Variants in ST7L observed in about 807,000 individuals in gnomAD.
The protein encoded by ST7L is suppression of tumorigenicity 7 like.
Under a neutral mutation model 72.5 loss-of-function variants are expected in ST7L, and 57 were observed. The observed-to-expected ratio is 0.79, with a 90% CI of 0.64 to 0.98. ST7L has a LOEUF of 0.98. Among genes scored for constraint, ST7L ranks in the 50% least tolerant of loss-of-function variants. The probability of loss-of-function intolerance (pLI) is 0.00; values close to 1 mark genes in which losing one functional copy is unlikely to be tolerated. For synonymous variants in ST7L, 221 were observed against 240.9 expected (o/e 0.92, Z 0.77); for missense variants, 576 against 672.2 (o/e 0.86, Z 1.58).
intron 14 of ST7L, among the ~76,000 whole-genome samples, chr1:112,538,783 G>C (rs1655617917): frequency 6.6e-6 from 1 of 152,170 alleles, no homozygotes; most frequent in Middle Eastern, 3.2e-3. Context: ...ATTGCACTTT[G>C]GTGATGATGA....
chr1:112,617,717 TCACA>T (rs56216561), intron 1 of ST7L, among the ~76,000 whole-genome samples: 3,370 of 126,380 alleles, frequency 0.027, 77 homozygotes, highest in East Asian at 0.1. Context: ...TTTCTCTCTC[TCACA>T]CACACACACA....
upstream of ST7L, chr1:112,619,612 C>T (rs951223521): frequency 2.0e-5 from 11 of 560,248 alleles, no homozygotes; most frequent in Non-Finnish European, 2.5e-5. Flanking sequence ...ATGAGTGTAA[C>T]TCATTGGGAA....
chr1:112,520,705 AG>A, downstream of ST7L: 1 of 617,452 alleles, frequency 1.6e-6, no homozygotes, highest in Non-Finnish European at 2.8e-6. Flanking sequence ...AGGGGATATA[AG>A]AAACTGAGCA....
chr1:112,550,239 A>G (rs1006905723), intron 13 of ST7L, among the ~76,000 whole-genome samples: 1 of 152,092 alleles, frequency 6.6e-6, no homozygotes, highest in Admixed American at 6.5e-5. Flanking sequence ...TTTTTATATC[A>G]TATCTTTGGT....
chr1:112,548,346 G>A (rs559238776), intron 13 of ST7L, among the ~76,000 whole-genome samples: 3 of 152,160 alleles, frequency 2.0e-5, no homozygotes, highest in East Asian at 1.9e-4. Flanking sequence ...CAACAAGGAC[G>A]GAAACTCCAT....
At chr1:112,607,377 A>G (rs1668406823) in intron 3 of ST7L, 1 of 152,350 alleles carries the variant, frequency 6.6e-6, no homozygotes. Context: ...AGGTGGATGA[A>G]TCATCTGAGG....
At chr1:112,608,992 A>G (rs1187205717) in intron 3 of ST7L, among the ~76,000 whole-genome samples, 2 of 152,168 alleles carry the variant, frequency 1.3e-5, no homozygotes, top group African/African-American at 4.8e-5. Context: ...TTATTACTAT[A>G]TGGTTATTAC....
In ST7L at chr1:112,568,706, C is replaced by A. The variant is rs929442459; in HGVS notation, c.1245+8280G>T. Among the ~76,000 whole-genome samples the A allele has an allele frequency of 3.9e-4, 30 of 77,100 alleles. No individual in the cohort carries two copies. In the South Asian group the frequency reaches 5.5e-3, roughly 14 times the overall value. The allele number at this position is 77,100 out of a possible 152,430, so 50.6% of individuals were successfully genotyped here. A position where few individuals can be genotyped will look rare whatever the true frequency, so the allele number is the denominator to read the frequency against. ...ACCTTTAATTTAAAAAACAAAAAAA[C>A]AACAACAAAAAAACAAATTTAGGCC... is the stretch of plus-strand genomic sequence containing the variant. On this transcript the variant is annotated intron_variant, in intron 11 of 14. Transcript: ENST00000358039.
Position 112,574,576 on chromosome 1 carries a change from A to G in ST7L, c.1245+2410T>C, listed in dbSNP as rs548387778. Among the ~76,000 whole-genome samples the G allele has an allele frequency of 3.4e-3, 507 of 151,206 alleles. 2 individuals are homozygous for G. Among genetic ancestry groups the G allele is most frequent in the Non-Finnish European group, 5.1e-3 (344 of 67,680 alleles). ...TGGGAGGCTGAGGCAGGAGAATGGC[A>G]TAAACCCGGGAGGCAGAGCTTGCAG... is the stretch of plus-strand genomic sequence containing the variant. On this transcript the variant is annotated intron_variant, in intron 11 of 14. Transcript: ENST00000358039.
At chr1:112,571,167 CA>C in intron 11 of ST7L, 3 of 384,142 alleles carry the variant, frequency 7.8e-6, no homozygotes, top group East Asian at 7.4e-5. Context: ...GAGACTGTCT[CA>C]AAAAAACCAA....
intron 5 of ST7L, among the ~76,000 whole-genome samples, chr1:112,597,478 A>C (rs1431137658): frequency 6.6e-6 from 1 of 152,226 alleles, no homozygotes; most frequent in Non-Finnish European, 1.5e-5. Context: ...AAACCATAAA[A>C]TTAAGAGTCT....
chr1:112,581,668 CA>C (rs1415064759), intron 9 of ST7L, among the ~76,000 whole-genome samples: 2 of 152,140 alleles, frequency 1.3e-5, no homozygotes, highest in East Asian at 3.9e-4. Flanking sequence ...GTCTCCAAAA[CA>C]AAATGCTGGG....
At chr1:112,571,817 G>A (rs1463443396) in intron 11 of ST7L, among the ~76,000 whole-genome samples, 3 of 152,142 alleles carry the variant, frequency 2.0e-5, no homozygotes, top group African/African-American at 7.2e-5. Context: ...TTCACTTCCA[G>A]ACCACTGCAA....
chr1:112,599,079 T>A (rs957967057), intron 4 of ST7L, among the ~76,000 whole-genome samples: 13,226 of 33,176 alleles, frequency 0.4, 2,589 homozygotes, highest in Non-Finnish European at 0.43. Context: ...AAAAAATATA[T>A]ATATATATAT....
At chr1:112,573,733 T>G (rs948116038) in intron 11 of ST7L, among the ~76,000 whole-genome samples, 2 of 151,444 alleles carry the variant, frequency 1.3e-5, no homozygotes, top group Non-Finnish European at 2.9e-5. Context: ...TTTAACTCAT[T>G]TATAAATCCA....
intron 3 of ST7L, 158 bp downstream of exon 3, chr1:112,610,683 C>A: frequency 1.1e-6 from 1 of 890,874 alleles, no homozygotes. Context: ...GATCACCTCC[C>A]AAAGACCCTA....
intron 2 of ST7L, among the ~76,000 whole-genome samples, chr1:112,613,146 A>G (rs184418379): frequency 1.0e-3 from 156 of 152,182 alleles, no homozygotes; most frequent in Middle Eastern, 3.4e-3. Flanking sequence ...GATAAGTACC[A>G]TCAAGGGCAA....
intron 5 of ST7L, 91 bp from the exon 6 acceptor site, chr1:112,591,694 T>A (rs1013094593): frequency 1.2e-6 from 1 of 831,498 alleles, no homozygotes. Context: ...AGCAAAGCTT[T>A]AAATAATATA....
intron 12 of ST7L, among the ~76,000 whole-genome samples, chr1:112,555,422 G>A (rs924980057): frequency 7.9e-5 from 12 of 151,982 alleles, no homozygotes; most frequent in Non-Finnish European, 1.3e-4. Context: ...AAAATTAGCC[G>A]GGCATGGTGG....
Sources: gnomAD v4.1 joint callset for allele counts (sites outside exome capture counted in the v4.1 genomes callset) on GRCh38, gnomAD v4.1.1 for gene constraint, MANE v1.5 for transcripts, NCBI Gene and HGNC (gene_info 2026-07-23, HGNC 2026-07-21) for gene names.